Variants in CAMKMT observed in about 807,000 individuals in gnomAD.
The protein encoded by CAMKMT is calmodulin-lysine N-methyltransferase.
A neutral mutation model predicts 48.0 loss-of-function variants in CAMKMT; 53 were observed. That is an observed-to-expected ratio of 1.10 (90% CI 0.89 to 1.39). The LOEUF (loss-of-function observed/expected upper bound fraction) is 1.39. CAMKMT is among the 40% of genes most tolerant of loss of function. The pLI, the probability that CAMKMT is intolerant of heterozygous loss-of-function variation, is 0.00. For synonymous variants in CAMKMT, 165 were observed against 152.3 expected, an observed-to-expected ratio of 1.08 and a Z score of -0.61; for missense variants, 428 against 402.7, an observed-to-expected ratio of 1.06 and a Z score of -0.54.
At chr2:44,363,874 A>G (rs1018449566) in intron 1 of CAMKMT, among the ~76,000 whole-genome samples, 7 of 151,654 alleles carry the variant, frequency 4.6e-5, no homozygotes, top group African/African-American at 1.2e-4. Flanking sequence ...TGTTTTTAGT[A>G]GAGACGGAGT....
chr2:44,612,076 A>G (rs990346479), intron 3 of CAMKMT, among the ~76,000 whole-genome samples: 2 of 152,172 alleles, frequency 1.3e-5, no homozygotes, highest in African/African-American at 4.8e-5. Flanking sequence ...TAAACTATGT[A>G]TGTGATGTCA....
intron 3 of CAMKMT, among the ~76,000 whole-genome samples, chr2:44,529,787 A>C (rs1340287242): frequency 1.3e-5 from 2 of 152,220 alleles, no homozygotes; most frequent in African/African-American, 4.8e-5. Flanking sequence ...CCAGTAACTA[A>C]AAGGTTTCAT....
chr2:44,445,069 A>G (rs1388160412), intron 3 of CAMKMT, among the ~76,000 whole-genome samples: 1 of 152,182 alleles, frequency 6.6e-6, no homozygotes, highest in East Asian at 1.9e-4. Flanking sequence ...GTTTCTGCCA[A>G]TTAAGCCAAG....
chr2:44,374,583 A>G (rs1679493674), intron 2 of CAMKMT, among the ~76,000 whole-genome samples: 1 of 152,196 alleles, frequency 6.6e-6, no homozygotes, highest in South Asian at 2.1e-4. Flanking sequence ...GAGAATGTGA[A>G]ATAGTCTCTT....
At chr2:44,465,410 C>A (rs910507587) in intron 3 of CAMKMT, among the ~76,000 whole-genome samples, 1 of 151,990 alleles carries the variant, frequency 6.6e-6, no homozygotes, top group Non-Finnish European at 1.5e-5. Flanking sequence ...CCAGCCTGAC[C>A]AATATGGTGA....
intron 7 of CAMKMT, among the ~76,000 whole-genome samples, chr2:44,730,116 C>T (rs868403685): frequency 1.3e-5 from 2 of 152,148 alleles, no homozygotes; most frequent in African/African-American, 2.4e-5. Context: ...AGATAGATAG[C>T]CTCAGGCTTT....
At chr2:44,554,949 G>A (rs1667929072) in intron 3 of CAMKMT, among the ~76,000 whole-genome samples, 1 of 152,134 alleles carries the variant, frequency 6.6e-6, no homozygotes. Context: ...CAGAATGGAT[G>A]AATAGGAATT....
At chr2:44,647,851 T>C (rs1367048221) in intron 3 of CAMKMT, among the ~76,000 whole-genome samples, 1 of 134,680 alleles carries the variant, frequency 7.4e-6, no homozygotes, top group Non-Finnish European at 1.5e-5. Flanking sequence ...GAGCTTGCAG[T>C]GAGCCGAGAT....
At chr2:44,548,255 G>C (rs1667511957) in intron 3 of CAMKMT, among the ~76,000 whole-genome samples, 1 of 152,132 alleles carries the variant, frequency 6.6e-6, no homozygotes, top group Non-Finnish European at 1.5e-5. Flanking sequence ...GGTATCATAG[G>C]ATGAACATTA....
At position 44,397,983 on chromosome 2, in the gene CAMKMT, A is replaced by T. The variant is rs1353962374; in HGVS notation, c.376+7678A>T. Among the ~76,000 whole-genome samples the T allele has an allele frequency of 2.0e-5, 3 of 152,200 alleles. No homozygotes were observed. In the East Asian group the frequency reaches 5.8e-4, roughly 29 times the overall value. ...GATGTTTCTAATTTAGGTACTTCCA[A>T]GTTTTAGCACAAGATATGCCAAGAA... is the stretch of plus-strand genomic sequence containing the variant. On this transcript the variant is annotated intron_variant, in intron 3 of 10. Coordinates refer to ENST00000378494, the MANE Select transcript of CAMKMT (RefSeq NM_024766.5).
At chr2:44,526,038 AC>A (rs1186321113) in intron 3 of CAMKMT, among the ~76,000 whole-genome samples, 1 of 152,150 alleles carries the variant, frequency 6.6e-6, no homozygotes, top group African/African-American at 2.4e-5. Flanking sequence ...GCACATATAC[AC>A]CATGGAATAC....
At chr2:44,701,897 C>T (rs1361151119) in intron 3 of CAMKMT, among the ~76,000 whole-genome samples, 1 of 151,888 alleles carries the variant, frequency 6.6e-6, no homozygotes, top group African/African-American at 2.4e-5. Flanking sequence ...ATCTGTTTGC[C>T]TAGAAAGATC....
chr2:44,492,379 T>C (rs1669551578), intron 3 of CAMKMT, among the ~76,000 whole-genome samples: 1 of 152,198 alleles, frequency 6.6e-6, no homozygotes, highest in Non-Finnish European at 1.5e-5. Flanking sequence ...TAGTCAATAC[T>C]TGTTTCCAAC....
chr2:44,687,186 G>A (rs1032159995), intron 3 of CAMKMT, among the ~76,000 whole-genome samples: 1 of 152,180 alleles, frequency 6.6e-6, no homozygotes, highest in East Asian at 1.9e-4. Flanking sequence ...TATAATAGAG[G>A]AGACAGTATT....
At chr2:44,406,097 C>T (rs1305921305) in intron 3 of CAMKMT, among the ~76,000 whole-genome samples, 1 of 152,044 alleles carries the variant, frequency 6.6e-6, no homozygotes, top group African/African-American at 2.4e-5. Flanking sequence ...CTGAGTCTAG[C>T]CAACTTAGAC....
At chr2:44,678,205 C>T (rs889293856) in intron 3 of CAMKMT, among the ~76,000 whole-genome samples, 6 of 152,164 alleles carry the variant, frequency 3.9e-5, no homozygotes, top group South Asian at 2.1e-4. Flanking sequence ...TTTTTAAATG[C>T]GTGAAAAAAG....
chr2:44,372,615 G>C (rs143563413), intron 1 of CAMKMT, 101 bp from the exon 2 acceptor site: 11 of 913,368 alleles, frequency 1.2e-5, no homozygotes, highest in Middle Eastern at 6.2e-4. Context: ...GTCATTATTA[G>C]AAGGGAAAGT....
At chr2:44,627,907 C>T (rs1402073109) in intron 3 of CAMKMT, among the ~76,000 whole-genome samples, 1 of 151,730 alleles carries the variant, frequency 6.6e-6, no homozygotes, top group African/African-American at 2.4e-5. Flanking sequence ...ACCATGTTGG[C>T]CAGGCTGGTC....
At chr2:44,501,488 G>A (rs1168805798) in intron 3 of CAMKMT, among the ~76,000 whole-genome samples, 2 of 152,142 alleles carry the variant, frequency 1.3e-5, no homozygotes, top group Non-Finnish European at 2.9e-5. Context: ...TTTGGAACAG[G>A]AGTGAAGAAA....
Sources: allele counts gnomAD v4.1 joint callset (sites outside exome capture counted in the v4.1 genomes callset), GRCh38; gene constraint gnomAD v4.1.1; transcripts MANE v1.5; gene names NCBI Gene and HGNC (gene_info 2026-07-23, HGNC 2026-07-21).